Variants in LRRC41 observed in about 807,000 individuals in gnomAD.
LRRC41 encodes leucine-rich repeat-containing protein 41.
Under a neutral mutation model 72.1 loss-of-function variants are expected in LRRC41, and 17 were observed. That is an observed-to-expected ratio of 0.24 (90% CI 0.16 to 0.35). LRRC41 has a LOEUF of 0.35. Among genes scored for constraint, LRRC41 ranks in the 10% least tolerant of loss-of-function variants. LRRC41 has a pLI of 1.00. For synonymous variants in LRRC41, 427 were observed against 431.0 expected (o/e 0.99, Z 0.11); for missense variants, 759 against 1,065.0 (o/e 0.71, Z 4.00).
intron 4 of LRRC41, chr1:46,284,325 G>A (rs1445426380): frequency 1.3e-5 from 2 of 152,188 alleles, no homozygotes; most frequent in African/African-American, 4.8e-5. Flanking sequence ...CTGGTTGCCT[G>A]GGTTTTGAAT....
chr1:46,293,873 G>A (rs12065340), intron 3 of LRRC41, among the ~76,000 whole-genome samples: 5,624 of 151,772 alleles, frequency 0.037, 169 homozygotes, highest in African/African-American at 0.076. Context: ...AAGCAATTCT[G>A]CCTCAGCCTC....
At chr1:46,296,613 T>C (rs1420164182) in intron 3 of LRRC41, 1 of 152,190 alleles carries the variant, frequency 6.6e-6, no homozygotes, top group African/African-American at 2.4e-5. Context: ...TCCAGTGATT[T>C]ATATCTGTAT....
In LRRC41 at chr1:46,277,498, T is replaced by TA. The variant is rs949071591; in HGVS notation, c.*1366dup. 46 of 437,116 alleles carry TA rather than the reference T, an allele frequency of 1.1e-4. No individual in the cohort carries two copies. The highest frequency in any genetic ancestry group is 8.2e-4 in the African/African-American group (41 of 50,072). The allele number at this position is 437,116 out of a possible 1,614,324, so 27.1% of individuals were successfully genotyped here. On this transcript the variant is annotated 3_prime_UTR_variant, in exon 10 of 10. Transcript: ENST00000617190. The stretch of plus-strand genomic sequence containing the variant: ...CCTAAATGATATTTATTGAATGAGT[T>TA]AGAGTTGGGCTTGGTGCAGAAATCT...
Position 46,285,499 on chromosome 1 carries a change from A to C in LRRC41, c.1358T>G (p.Leu453Arg). Residue 453 changes from leucine to arginine, a missense_variant, in exon 4 of 10, where the codon CTG becomes CGG. Physicochemically the swap from Leu to Arg is moderately radical, Grantham distance 102. Around this residue, in one of 4 missense-constraint regions of LRRC41, gnomAD observed 427 missense variants for 520.9 expected, o/e 0.82. Coordinates refer to ENST00000617190, the MANE Select transcript of LRRC41 (RefSeq NM_006369.5). The surrounding 1 kb of genome is among the most constrained non-coding windows in gnomAD (Gnocchi z 5.3). ...SDPSCLGLPA[L>R]EASQRFRSIS... ...GCTGCGGAATCTTTGTGAAGCTTCC[A>C]GTGCTGGAAGCCCCAGGCAGCTGGG... is the stretch of plus-strand genomic sequence containing the variant. The C allele has an allele frequency of 6.2e-7, 1 of 1,614,176 alleles. No homozygotes were observed. The highest frequency in any genetic ancestry group is 8.5e-7 in the Non-Finnish European group (1 of 1,180,034).
At chr1:46,294,340 T>C (rs1342075338) in intron 3 of LRRC41, among the ~76,000 whole-genome samples, 1 of 150,844 alleles carries the variant, frequency 6.6e-6, no homozygotes, top group Non-Finnish European at 1.5e-5. Context: ...ACTCGTAAGC[T>C]CAAGCAATCC....
chr1:46,290,768 A>G (rs1326590060), intron 3 of LRRC41, among the ~76,000 whole-genome samples: 1 of 151,984 alleles, frequency 6.6e-6, no homozygotes. Context: ...CACCATGTCC[A>G]GCTAATTTTT....
At chr1:46,297,295 C>A in intron 3 of LRRC41, 1 of 377,248 alleles carries the variant, frequency 2.7e-6, no homozygotes, top group African/African-American at 2.0e-5. Flanking sequence ...TGCACCAACA[C>A]CATCAAGAAC....
At chr1:46,282,570 C>T (rs1660801331) in intron 4 of LRRC41, among the ~76,000 whole-genome samples, 1 of 152,120 alleles carries the variant, frequency 6.6e-6, no homozygotes, top group African/African-American at 2.4e-5. Context: ...GTCCAGCTTA[C>T]ATCAGTAAAG....
chr1:46,297,282 C>T (rs562948115), intron 3 of LRRC41: 26 of 321,714 alleles, frequency 8.1e-5, no homozygotes, highest in African/African-American at 5.5e-4. Flanking sequence ...TAGATTTGAC[C>T]ACTGCACCAA....
intron 1 of LRRC41, chr1:46,300,216 C>T (rs1025371361): frequency 1.3e-5 from 2 of 152,126 alleles, no homozygotes; most frequent in Non-Finnish European, 2.9e-5. Context: ...CCTGTGGTCC[C>T]AGCTACTCGA....
At position 46,279,411 on chromosome 1, in the gene LRRC41, G is replaced by A. The variant is rs1251958678; in HGVS notation, c.2143+81C>T. ...CCAACTCCCACGTTCCCAGTGGAGA[G>A]GTCTTTGCCTTTATCCAGTGAGTTT... On this transcript the variant is annotated intron_variant, in intron 8 of 9. Transcript: ENST00000617190. This position sits in a 1 kb window ranked among gnomAD's most constrained non-coding sequence, Gnocchi z 4.5. 6.2e-7 allele frequency: 1 copy of A among 1,603,408 alleles called. No homozygotes were observed. The highest frequency in any genetic ancestry group is 1.7e-5 in the Admixed American group (1 of 59,994).
At chr1:46,289,379 A>G (rs1257509889) in intron 3 of LRRC41, among the ~76,000 whole-genome samples, 1 of 152,242 alleles carries the variant, frequency 6.6e-6, no homozygotes, top group Non-Finnish European at 1.5e-5. Context: ...TTAAATGAGT[A>G]AAGTTATGAC....
intron 1 of LRRC41, 93 bp downstream of exon 1, chr1:46,303,031 G>T (rs1661278510): frequency 5.5e-5 from 73 of 1,335,826 alleles, no homozygotes; most frequent in Non-Finnish European, 6.8e-5. Context: ...GCTGGGCCTT[G>T]CCCCGGGCCT....
chr1:46,282,722 G>C (rs1322575268), intron 4 of LRRC41, among the ~76,000 whole-genome samples: 3 of 151,994 alleles, frequency 2.0e-5, no homozygotes, highest in Admixed American at 1.3e-4. Flanking sequence ...GAGTGTGAAG[G>C]GGGGAAGCAT....
chr1:46,291,552 G>GTTTTTTTTT (rs1219656700), intron 3 of LRRC41, among the ~76,000 whole-genome samples: 11 of 84,946 alleles, frequency 1.3e-4, no homozygotes, highest in Non-Finnish European at 1.8e-4. Context: ...GCCCCAGCTG[G>GTTTTTTTTT]TTTTTTTTTT....
intron 3 of LRRC41, among the ~76,000 whole-genome samples, chr1:46,294,739 C>T (rs1557717966): frequency 1.3e-5 from 2 of 151,744 alleles, no homozygotes; most frequent in African/African-American, 4.8e-5. Flanking sequence ...GAACTAAAGG[C>T]ACGTGCCACC....
In LRRC41 at chr1:46,278,257, A is replaced by T; in HGVS notation, c.*608T>A. The T allele has an allele frequency of 1.2e-6, 2 of 1,613,116 alleles. No homozygotes were observed. The highest frequency in any genetic ancestry group is 1.7e-6 in the Non-Finnish European group (2 of 1,179,518). ...ACCTTCGTCTTCCACCAGCGTTCTCATGAGGAGCAGCGGGGCCTCCGCTGA... is the reference window on the plus strand; with the variant it reads ...ACCTTCGTCTTCCACCAGCGTTCTCTTGAGGAGCAGCGGGGCCTCCGCTGA... On this transcript the variant is annotated 3_prime_UTR_variant, in exon 10 of 10. Transcript: ENST00000617190.
In LRRC41 at chr1:46,286,864, G is replaced by C. The variant is rs1324815895; in HGVS notation, c.358-365C>G. Among the ~76,000 whole-genome samples the C allele has an allele frequency of 6.6e-6, 1 of 152,068 alleles. No homozygotes were observed. The highest frequency in any genetic ancestry group is 2.4e-5 in the African/African-American group (1 of 41,404). Reference sequence around the variant, plus strand: ...GATAGAGTCTCACTTTGTAGCCTAGGCTGGAGTGCAGTGGTGTGATCTCAG... The same window carrying C: ...GATAGAGTCTCACTTTGTAGCCTAGCCTGGAGTGCAGTGGTGTGATCTCAG... On this transcript the variant is annotated intron_variant, in intron 3 of 9. Transcript: ENST00000617190. The surrounding 1 kb of genome is among the most constrained non-coding windows in gnomAD (Gnocchi z 5.5).
intron 3 of LRRC41, among the ~76,000 whole-genome samples, chr1:46,291,282 C>A (rs1400494256): frequency 6.6e-6 from 1 of 152,104 alleles, no homozygotes; most frequent in East Asian, 1.9e-4. Flanking sequence ...AATAAATCTT[C>A]ATGAGTATCT....
Sources: allele counts gnomAD v4.1 joint callset (sites outside exome capture counted in the v4.1 genomes callset), GRCh38; gene constraint gnomAD v4.1.1; regional missense constraint gnomAD v4.1.1; non-coding constraint Gnocchi (gnomAD v3.1); transcripts MANE v1.5; gene names NCBI Gene and HGNC (gene_info 2026-07-23, HGNC 2026-07-21).